MIA2: variants seen among roughly 807,000 people sequenced by gnomAD.
MIA2 encodes the protein melanoma inhibitory activity protein 2.
In MIA2, 127 loss-of-function variants were observed where a neutral mutation model predicts 167.8. That is an observed-to-expected ratio of 0.76 (90% confidence interval 0.66 to 0.88). The LOEUF (loss-of-function observed/expected upper bound fraction) is 0.88, where lower values mean the gene tolerates loss of function less well. MIA2 is among the 40% of genes least tolerant of loss of function. The probability of loss-of-function intolerance (pLI) is 0.00; values close to 1 mark genes in which losing one functional copy is unlikely to be tolerated. For synonymous variants in MIA2, 552 were observed against 541.9 expected (o/e 1.02, Z -0.26); for missense variants, 1,690 against 1,624.7 (o/e 1.04, Z -0.69).
rs2056601226 is a variant in MIA2 at position 39,269,073 on chromosome 14, A to AGTTTTTT, written c.1888-7860_1888-7854dup. On this transcript the variant is annotated intron_variant, in intron 6 of 28. Transcript: ENST00000640607. ...TGGTGCGTTGTATCTTCACCTGCAC[A>AGTTTTTT]GTTTTTTTTTTTTTTTTTTTTTTTT... The AGTTTTTT allele has an allele frequency of 3.3e-5, 12 of 362,200 alleles. 1 individual carries two copies. Among genetic ancestry groups the AGTTTTTT allele is most frequent in the Admixed American group, 3.9e-4 (2 of 5,182 alleles). 22.4% of individuals were successfully genotyped at this position (362,200 alleles called of 1,614,324 possible). A position where few individuals can be genotyped will look rare whatever the true frequency, so the allele number is the denominator to read the frequency against.
intron 25 of MIA2, among the ~76,000 whole-genome samples, chr14:39,329,037 A>G (rs1213705596): frequency 6.6e-6 from 1 of 152,158 alleles, no homozygotes. Flanking sequence ...ATAGCATTGA[A>G]TCTATAAATT....
At chr14:39,298,325 T>C (rs2061721269) in intron 13 of MIA2, among the ~76,000 whole-genome samples, 1 of 150,496 alleles carries the variant, frequency 6.6e-6, no homozygotes, top group Admixed American at 6.6e-5. Flanking sequence ...TAAGTCTCTT[T>C]ACTAACTCAT....
chr14:39,311,721 C>T (rs1028285945), intron 18 of MIA2, among the ~76,000 whole-genome samples: 1 of 151,562 alleles, frequency 6.6e-6, no homozygotes, highest in Non-Finnish European at 1.5e-5. Context: ...AACTCCTGAC[C>T]TCTAGTGATC....
chr14:39,364,947 G>A lies in MIA2; in HGVS notation c.2248+15970G>A, dbSNP rs76009664. Among the ~76,000 whole-genome samples, 1,242 of 151,826 alleles carry A rather than the reference G, an allele frequency of 8.2e-3. 16 individuals are homozygous for A. Among genetic ancestry groups the A allele is most frequent in the African/African-American group, 0.027 (1,133 of 41,426 alleles). On this transcript the variant is annotated intron_variant, in intron 23 of 23. Coordinates refer to the MIA2 transcript ENST00000341502. ...TGGAGAATACCTTTTTGAATTTTAC[G>A]CATTTGGGATCTCTGAATTTCCTGT...
chr14:39,374,509 TG>T (rs1595958473), intron 23 of MIA2, among the ~76,000 whole-genome samples: 1 of 152,164 alleles, frequency 6.6e-6, no homozygotes, highest in Admixed American at 6.5e-5. Flanking sequence ...AAAAAGGAAA[TG>T]TGATCTTTCA....
Position 39,298,530 on chromosome 14 carries a change from G to GTTTTTTTTTTTTT in MIA2, c.2497-1322_2497-1310dup, listed in dbSNP as rs764475842. On this transcript the variant is annotated intron_variant, in intron 13 of 28. Transcript: ENST00000640607. ...AATAATTACTGTTTGGTAGAACAGA[G>GTTTTTTTTTTTTT]TTTTTTTTTTTTTTTTTTTTTTTTG... Among the ~76,000 whole-genome samples the GTTTTTTTTTTTTT allele has an allele frequency of 9.9e-3, 258 of 26,100 alleles. 8 individuals are homozygous for GTTTTTTTTTTTTT. The highest frequency in any genetic ancestry group is 0.02 in the African/African-American group (126 of 6,364). The allele number at this position is 26,100 out of a possible 152,430, so 17.1% of individuals were successfully genotyped here.
At chr14:39,262,686 T>C (rs1167007747) in intron 6 of MIA2, among the ~76,000 whole-genome samples, 1 of 152,220 alleles carries the variant, frequency 6.6e-6, no homozygotes, top group Non-Finnish European at 1.5e-5. Context: ...CCTCTTTTAT[T>C]TCAATGAGCA....
chr14:39,314,651 T>C, intron 19 of MIA2, 88 bp from the exon 20 acceptor site: 1 of 619,960 alleles, frequency 1.6e-6, no homozygotes, highest in African/African-American at 2.0e-5. Context: ...GCATTCTGGG[T>C]TTTCTAATAA....
In MIA2 at chr14:39,300,941, T is replaced by TACAC. The variant is rs1555378293; in HGVS notation, c.2619+958_2619+959insCACA. ...ATATATATATATACACACACATATA[T>TACAC]ACATATATACACATACATATACACA... On this transcript the variant is annotated intron_variant, in intron 14 of 28. Transcript: ENST00000640607. Among the ~76,000 whole-genome samples, 27 of 141,118 alleles carry TACAC rather than the reference T, an allele frequency of 1.9e-4. 1 individual carries two copies. The South Asian group carries it at 5.2e-3, about 27-fold the overall frequency. The allele number at this position is 141,118 out of a possible 152,430, so 92.6% of individuals were successfully genotyped here.
At chr14:39,288,475 A>ATTTTTTTTTTTT (rs1247369150) in intron 9 of MIA2, among the ~76,000 whole-genome samples, 8 of 50,512 alleles carry the variant, frequency 1.6e-4, no homozygotes, top group Admixed American at 3.9e-4. Flanking sequence ...ATATATATAT[A>ATTTTTTTTTTTT]TTTTTTTTTT....
intron 13 of MIA2, 134 bp from the exon 14 acceptor site, chr14:39,299,730 A>G: frequency 2.6e-6 from 2 of 781,022 alleles, no homozygotes; most frequent in Non-Finnish European, 1.9e-6. Flanking sequence ...GTTATTTTAC[A>G]CTACCCCATT....
intron 3 of MIA2, among the ~76,000 whole-genome samples, chr14:39,245,777 C>T (rs755714773): frequency 7.9e-5 from 12 of 152,158 alleles, no homozygotes; most frequent in Admixed American, 4.6e-4. Context: ...AACAAGCCCG[C>T]TCATGTAGTA....
downstream of MIA2, among the ~76,000 whole-genome samples, chr14:39,352,126 T>G (rs573170604): frequency 2.0e-5 from 3 of 152,194 alleles, no homozygotes; most frequent in South Asian, 2.1e-4. Context: ...ATTTTCTTCT[T>G]CTTTTTTGTC....
intron 6 of MIA2, among the ~76,000 whole-genome samples, chr14:39,254,469 C>G (rs768948053): frequency 6.6e-6 from 1 of 152,026 alleles, no homozygotes; most frequent in Admixed American, 6.6e-5. Context: ...GGGTAAAGAC[C>G]AGAGGCAGGG....
intron 22 of MIA2, 86 bp from the exon 23 acceptor site, chr14:39,319,123 G>T: frequency 6.5e-6 from 4 of 610,968 alleles, no homozygotes; most frequent in Non-Finnish European, 1.1e-5. Context: ...AAATAGTGAA[G>T]AGCAGCTTGT....
intron 23 of MIA2, among the ~76,000 whole-genome samples, chr14:39,366,847 C>T (rs2074832346): frequency 6.6e-6 from 1 of 152,188 alleles, no homozygotes; most frequent in Non-Finnish European, 1.5e-5. Flanking sequence ...GTGCTCACAG[C>T]TGCAGGTAGG....
chr14:39,274,078 A>G (rs953938282), intron 6 of MIA2, among the ~76,000 whole-genome samples: 14 of 152,026 alleles, frequency 9.2e-5, no homozygotes, highest in African/African-American at 3.1e-4. Context: ...TGATTAATTG[A>G]TTTTTTTTAA....
At chr14:39,297,254 A>G (rs1048292608) in intron 13 of MIA2, among the ~76,000 whole-genome samples, 1 of 151,232 alleles carries the variant, frequency 6.6e-6, no homozygotes, top group Non-Finnish European at 1.5e-5. Context: ...CCACCATCTG[A>G]CTAATTTTTA....
chr14:39,268,308 C>T (rs575722650), intron 6 of MIA2, among the ~76,000 whole-genome samples: 1 of 152,094 alleles, frequency 6.6e-6, no homozygotes, highest in East Asian at 1.9e-4. Flanking sequence ...GGTAGTGTTG[C>T]CATGGTGTTT....
Sources: allele counts gnomAD v4.1 joint callset (sites outside exome capture counted in the v4.1 genomes callset), GRCh38; gene constraint gnomAD v4.1.1; transcripts MANE v1.5; gene names NCBI Gene and HGNC (gene_info 2026-07-23, HGNC 2026-07-21).